The following KRT3 variants were observed in gnomAD, a reference collection of about 807,000 sequenced individuals.
KRT3 encodes keratin 3, also known as keratin, type II cytoskeletal 3.
KRT3 carries 34 observed loss-of-function variants against 45.8 expected under a neutral mutation model. The ratio of observed to expected loss-of-function variants is 0.74; its 90% CI spans 0.57 to 0.99. The LOEUF (loss-of-function observed/expected upper bound fraction) is 0.99. Among genes scored for constraint, KRT3 ranks in the 50% least tolerant of loss-of-function variants. The pLI, the probability that KRT3 is intolerant of heterozygous loss-of-function variation, is 0.00. For missense variants in KRT3, 828 were observed against 820.6 expected (o/e 1.01, Z -0.11); for synonymous variants, 367 against 329.0 (o/e 1.12, Z -1.25).
At chr12:52,790,735 T>A in intron 8 of KRT3, 103 bp downstream of exon 8, 1 of 1,098,710 alleles carries the variant, frequency 9.1e-7, no homozygotes, top group Non-Finnish European at 1.4e-6. Flanking sequence ...AGAAAACCCC[T>A]CCAACTTCCG....
At position 52,790,197 on chromosome 12, in the gene KRT3, C is replaced by CGCA; in HGVS notation, c.1731_1732insTGC (p.Gly577_Gly578insCys). On this transcript the variant is annotated inframe_insertion, in exon 9 of 9. Transcript: ENST00000417996. ...CCACCGCTGAAACCGCTGCTGCCGC[C>CGCA]GCCAAATCCACCGCCGATTCCACCG... 1 of 1,549,228 alleles carries CGCA rather than the reference C, an allele frequency of 6.5e-7. No homozygotes were observed. The highest frequency in any genetic ancestry group is 8.7e-7 in the Non-Finnish European group (1 of 1,146,658).
chr12:52,791,047 T>G (rs1396625595), intron 7 of KRT3, among the ~76,000 whole-genome samples, 159 bp downstream of exon 7: 1 of 152,234 alleles, frequency 6.6e-6, no homozygotes, highest in African/African-American at 2.4e-5. Context: ...ACTGGTTGCA[T>G]ACGTGCCCTG....
chr12:52,790,185 C>CGCTGCTGCCACCGCTGAAACA lies in KRT3; in HGVS notation c.1743_1744insTGTTTCAGCGGTGGCAGCAGC (p.Ser581_Gly582insCysPheSerGlyGlySerSer). 1 of 1,548,892 alleles carries CGCTGCTGCCACCGCTGAAACA rather than the reference C, an allele frequency of 6.5e-7. No homozygotes were observed. The highest frequency in any genetic ancestry group is 8.7e-7 in the Non-Finnish European group (1 of 1,146,814). On this transcript the variant is annotated inframe_insertion, in exon 9 of 9. Transcript: ENST00000417996. ...CCAAAGCCGCTGCCACCGCTGAAAC[C>CGCTGCTGCCACCGCTGAAACA]GCTGCTGCCGCCGCCAAATCCACCG...
intron 2 of KRT3, among the ~76,000 whole-genome samples, chr12:52,793,834 T>C (rs1425498848): frequency 6.6e-6 from 1 of 152,182 alleles, no homozygotes; most frequent in Non-Finnish European, 1.5e-5. Context: ...TCAAATGATC[T>C]GTCCACCTCG....
Position 52,796,084 on chromosome 12 carries a change from G to A in KRT3, c.-42C>T. 7 of 1,599,386 alleles carry A rather than the reference G, an allele frequency of 4.4e-6. No homozygotes were observed. The highest frequency in any genetic ancestry group is 6.0e-6 in the Non-Finnish European group (7 of 1,170,608). ...AAGAGAAGAGTGTAAGTTAAGCAGG[G>A]ACACTGAGAGTCAGAGGAAGAGGGA... On this transcript the variant is annotated 5_prime_UTR_variant, in exon 1 of 9. Coordinates refer to ENST00000417996, the MANE Select transcript of KRT3 (RefSeq NM_057088.3).
chr12:52,790,030 G>A lies in KRT3; in HGVS notation c.*12C>T, dbSNP rs1328603484. ...GAGGCGCTGGAGTGGCTGCGATGCT[G>A]ATGCGTGCTCTTTATCTGGAGTAGC... On this transcript the variant is annotated 3_prime_UTR_variant, in exon 9 of 9. Coordinates refer to ENST00000417996, the MANE Select transcript of KRT3 (RefSeq NM_057088.3). 2.0e-6 allele frequency: 3 copies of A among 1,537,804 alleles called. No individual in the cohort carries two copies. Among genetic ancestry groups the A allele is most frequent in the South Asian group, 1.2e-5 (1 of 84,052 alleles).
rs1255710039 is a variant in KRT3, at chr12:52,793,225, T to C, written c.867-2A>G. On this transcript the variant is annotated splice_acceptor_variant, in intron 2 of 8. Coordinates refer to ENST00000417996, the MANE Select transcript of KRT3 (RefSeq NM_057088.3). LOFTEE classifies it high-confidence loss of function. ...CGTTTATTGATTTCATCCTCATATC[T>C]GTGTGAATAAAAAAGAAACAGCTGA... 6.3e-7 allele frequency: 1 copy of C among 1,599,730 alleles called. No individual in the cohort carries two copies. The highest frequency in any genetic ancestry group is 1.7e-5 in the Admixed American group (1 of 58,174).
In KRT3 at chr12:52,791,730, GATC is replaced by G; in HGVS notation, c.1272_1274del (p.Met424del). The stretch of plus-strand genomic sequence containing the variant: ...CCTCGATCTCTGCCCGCAGCCTCTG[GATC>G]ATTCTGTTGAGCTCTATGATCTCGC... On this transcript the variant is annotated inframe_deletion, in exon 6 of 9. Coordinates refer to ENST00000417996, the MANE Select transcript of KRT3 (RefSeq NM_057088.3). 1 of 1,614,060 alleles carries G rather than the reference GATC, an allele frequency of 6.2e-7. No homozygotes were observed. The highest frequency in any genetic ancestry group is 8.5e-7 in the Non-Finnish European group (1 of 1,179,986).
At position 52,795,491 on chromosome 12, in the gene KRT3, A is replaced by C. The variant is rs1939615739; in HGVS notation, c.552T>G (p.Asn184Lys). Residue 184 changes from asparagine (N) to lysine (K), a missense_variant, in exon 1 of 9, where the codon AAT becomes AAG. Transcript: ENST00000417996. ...GCCCAATCTGGGGGTCGATCTCCAC[A>C]TTGAGGGGCTGCAGGAGACTCTGGT... is the stretch of plus-strand genomic sequence containing the variant. ...TINQSLLQPL[N>K]VEIDPQIGQV... 1.2e-6 allele frequency: 2 copies of C among 1,613,986 alleles called. No individual in the cohort carries two copies. The highest frequency in any genetic ancestry group is 1.7e-6 in the Non-Finnish European group (2 of 1,180,042).
intron 1 of KRT3, 141 bp from the exon 2 acceptor site, chr12:52,794,472 G>A (rs1565679102): frequency 1.6e-6 from 1 of 638,754 alleles, no homozygotes; most frequent in East Asian, 2.7e-5. Flanking sequence ...GGCTCCTACT[G>A]TAGTCAGAGA....
In KRT3 at chr12:52,794,161, C is replaced by T; in HGVS notation, c.816G>A (p.Leu272=). The change falls in exon 2 of 9, where the codon CTG becomes CTA. Residue 272 remains leucine, a synonymous_variant. Transcript: ENST00000417996. ...CCTCCATGTTCTTCAGCTCAGAGTC[C>T]AGGCGCCCTCTCTCCCCGAGGATGT... ...LDNILGERGR[L]DSELKNMEDL... is the part of the protein sequence containing the mutation. 2 of 1,614,184 alleles carry T rather than the reference C, an allele frequency of 1.2e-6. No individual in the cohort carries two copies. Among genetic ancestry groups the T allele is most frequent in the Non-Finnish European group, 1.7e-6 (2 of 1,180,034 alleles).
At chr12:52,792,465 G>A in intron 4 of KRT3, 62 bp from the exon 5 acceptor site, 1 of 1,509,096 alleles carries the variant, frequency 6.6e-7, no homozygotes, top group South Asian at 1.1e-5. Flanking sequence ...ACAGGGCCCT[G>A]AAAGACTCTT....
In KRT3 at chr12:52,792,361, C is replaced by T; in HGVS notation, c.1066G>A (p.Val356Met). The T allele has an allele frequency of 6.2e-7, 1 of 1,613,994 alleles. No individual in the cohort carries two copies. The highest frequency in any genetic ancestry group is 8.5e-7 in the Non-Finnish European group (1 of 1,179,882). The change falls in exon 5 of 9, where the codon GTG becomes ATG. Residue 356 changes from valine (V) to methionine (M), a missense_variant. Transcript: ENST00000417996. ...GAGCGATTATTGTCCATGGACAGCA[C>T]CACAGATGTGTCACTGATGTGGCTC... ...MQSHISDTSV[V>M]LSMDNNRSLD... is the part of the protein sequence containing the mutation.
chr12:52,792,951 AT>A, intron 3 of KRT3, 145 bp from the exon 4 acceptor site: 1 of 708,118 alleles, frequency 1.4e-6, no homozygotes. Context: ...TTTGTATCTC[AT>A]TAGGATGGTC....
chr12:52,794,615 C>A (rs187842682), intron 1 of KRT3, among the ~76,000 whole-genome samples: 1 of 152,156 alleles, frequency 6.6e-6, no homozygotes, highest in Non-Finnish European at 1.5e-5. Flanking sequence ...AACTTCATGA[C>A]CCTATCTTAA....
rs1040058214 is a variant in KRT3, at chr12:52,790,079, G to C, written c.1850C>G (p.Ser617Cys). 6.5e-7 allele frequency: 1 copy of C among 1,541,392 alleles called. No individual in the cohort carries two copies. Among genetic ancestry groups the C allele is most frequent in the Non-Finnish European group, 8.7e-7 (1 of 1,146,890 alleles). Reference protein sequence around the residue: ...ASNRGGSIKFSQSSQSSQRYS... With the variant: ...ASNRGGSIKFCQSSQSSQRYS... ...GCGCTGGGAGGACTGGGAGGACTGGGAGAACTTGATGCTGCCGCCCCGGTT... is the reference window on the plus strand; with the variant it reads ...GCGCTGGGAGGACTGGGAGGACTGGCAGAACTTGATGCTGCCGCCCCGGTT... The change falls in exon 9 of 9, where the codon TCC becomes TGC. Residue 617 changes from serine (S) to cysteine (C), a missense_variant. Ser to Cys is a moderately radical substitution (Grantham distance 112). Coordinates refer to ENST00000417996, the MANE Select transcript of KRT3 (RefSeq NM_057088.3).
chr12:52,789,930 C>G lies in KRT3; in HGVS notation c.*112G>C. The G allele has an allele frequency of 8.7e-7, 1 of 1,145,292 alleles. No individual in the cohort carries two copies. The highest frequency in any genetic ancestry group is 1.3e-6 in the Non-Finnish European group (1 of 793,590). 70.9% of individuals were successfully genotyped at this position (1,145,292 alleles called of 1,614,324 possible). ...GAGCAAGAGGCCACAAGCCTTCCAGCGCAGAGCCGCGTTCTTGGGGAGCAT... is the reference window on the plus strand; with the variant it reads ...GAGCAAGAGGCCACAAGCCTTCCAGGGCAGAGCCGCGTTCTTGGGGAGCAT... On this transcript the variant is annotated 3_prime_UTR_variant, in exon 9 of 9. Coordinates refer to ENST00000417996, the MANE Select transcript of KRT3 (RefSeq NM_057088.3).
Position 52,790,228 on chromosome 12 carries a change from T to A in KRT3, c.1701A>T (p.Gly567=), listed in dbSNP as rs1331985382. The A allele has an allele frequency of 2.0e-6, 3 of 1,526,930 alleles. No individual in the cohort carries two copies. The highest frequency in any genetic ancestry group is 8.8e-7 in the Non-Finnish European group (1 of 1,132,986). The allele number at this position is 1,526,930 out of a possible 1,614,324, so 94.6% of individuals were successfully genotyped here. ...GGGSGSGFGR[G]GGGGIGGGFG... The stretch of plus-strand genomic sequence containing the variant: ...ATCCACCGCCGATTCCACCGCCGCC[T>A]CCCCGGCCAAAGCCACTGCCTGAGC... Residue 567 remains glycine, a synonymous_variant, in exon 9 of 9, where the codon GGA becomes GGT. Coordinates refer to ENST00000417996, the MANE Select transcript of KRT3 (RefSeq NM_057088.3).
At chr12:52,794,997 G>C (rs908370526) in intron 1 of KRT3, among the ~76,000 whole-genome samples, 6 of 152,142 alleles carry the variant, frequency 3.9e-5, no homozygotes, top group African/African-American at 1.4e-4. Context: ...ATATGAGGGG[G>C]AAAGGGCTTC....
Sources: allele counts gnomAD v4.1 joint callset (sites outside exome capture counted in the v4.1 genomes callset), GRCh38; gene constraint gnomAD v4.1.1; transcripts MANE v1.5; gene names NCBI Gene and HGNC (gene_info 2026-07-23, HGNC 2026-07-21).